Variants in NOTCH2NLC observed in about 807,000 individuals in gnomAD.
The protein encoded by NOTCH2NLC is notch homolog 2 N-terminal-like protein C.
Under a neutral mutation model 17.7 loss-of-function variants are expected in NOTCH2NLC, and 4 were observed. The ratio of observed to expected loss-of-function variants is 0.23; its 90% CI spans 0.11 to 0.52. The LOEUF (loss-of-function observed/expected upper bound fraction) is 0.52, where lower values mean the gene tolerates loss of function less well. Among genes scored for constraint, NOTCH2NLC ranks in the 20% least tolerant of loss-of-function variants. The pLI is 0.96. For missense variants in NOTCH2NLC, 57 were observed against 207.2 expected (o/e 0.28, Z 4.45); for synonymous variants, 18 against 86.0 (o/e 0.21, Z 4.38).
At chr1:149,431,080 CCT>C in intron 2 of NOTCH2NLC, 65 bp downstream of exon 2, 1 of 191,736 alleles carries the variant, frequency 5.2e-6, no homozygotes, top group Non-Finnish European at 9.2e-6. Context: ...TGATTCTACT[CCT>C]CTATTTTTAA....
chr1:149,427,194 A>G (rs1249286641), intron 1 of NOTCH2NLC, among the ~76,000 whole-genome samples: 1 of 150,876 alleles, frequency 6.6e-6, no homozygotes, highest in Non-Finnish European at 1.5e-5. Context: ...ATTATTAACT[A>G]TATTCACCAC....
intron 1 of NOTCH2NLC, among the ~76,000 whole-genome samples, chr1:149,406,995 G>T (rs1200475670): frequency 1.3e-5 from 2 of 150,356 alleles, no homozygotes; most frequent in South Asian, 2.1e-4. Flanking sequence ...CTTCAAGTTT[G>T]TAGGTTAACT....
chr1:149,437,609 G>A lies in NOTCH2NLC; in HGVS notation c.209+6594G>A, dbSNP rs1162683446. Reference sequence around the variant, plus strand: ...CTCTCAAGTAGCCGGGACTACAAGCGCCCGCCACCACGCCCGGCTAATTTT... The same window carrying A: ...CTCTCAAGTAGCCGGGACTACAAGCACCCGCCACCACGCCCGGCTAATTTT... On this transcript the variant is annotated intron_variant, in intron 2 of 4. Coordinates refer to ENST00000650865, the MANE Select transcript of NOTCH2NLC (RefSeq NM_001364013.2). 8.9e-3 allele frequency among the ~76,000 whole-genome samples: 1,018 copies of A among 113,976 alleles called. 21 individuals carry two copies. The highest frequency in any genetic ancestry group is 0.011 in the Non-Finnish European group (621 of 54,212). 74.8% of individuals were successfully genotyped at this position (113,976 alleles called of 152,430 possible). A position where few individuals can be genotyped will look rare whatever the true frequency, so the allele number is the denominator to read the frequency against.
chr1:149,399,236 C>CT lies in NOTCH2NLC; in HGVS notation c.135+8323dup, dbSNP rs1197170882. Among the ~76,000 whole-genome samples the CT allele has an allele frequency of 1.1e-3, 163 of 150,454 alleles. 5 individuals are homozygous for CT. Among genetic ancestry groups the CT allele is most frequent in the Admixed American group, 2.0e-3 (30 of 15,150 alleles). On this transcript the variant is annotated intron_variant, in intron 1 of 4. Transcript: ENST00000650865. ...CTTTTTCATCTCTTTTTATTTTCAT[C>CT]TTTTTTTTTGTGAGAAGATTCTGGA... is the stretch of plus-strand genomic sequence containing the variant.
rs1371521349 is a variant in NOTCH2NLC, at chr1:149,464,424, TAATC to T, written c.*273_*276del. On this transcript the variant is annotated 3_prime_UTR_variant, in exon 5 of 5. Coordinates refer to ENST00000650865, the MANE Select transcript of NOTCH2NLC (RefSeq NM_001364013.2). ...TGAAACTGAGGAGGGGATCCTCTGT[TAATC>T]AGTGAGCACTTTTTGATGAGCTGAT... The T allele has an allele frequency of 6.4e-6, 1 of 156,594 alleles. No homozygotes were observed. Among genetic ancestry groups the T allele is most frequent in the Non-Finnish European group, 1.4e-5 (1 of 72,548 alleles). 9.7% of individuals were successfully genotyped at this position (156,594 alleles called of 1,614,324 possible).
chr1:149,437,819 A>G (rs1358590212), intron 2 of NOTCH2NLC, among the ~76,000 whole-genome samples: 2 of 151,172 alleles, frequency 1.3e-5, no homozygotes, highest in African/African-American at 2.4e-5. Flanking sequence ...GATTCCTATT[A>G]ACAATTGGAT....
intron 1 of NOTCH2NLC, among the ~76,000 whole-genome samples, chr1:149,425,468 A>G (rs2084408059): frequency 6.6e-6 from 1 of 151,426 alleles, no homozygotes; most frequent in African/African-American, 2.4e-5. Flanking sequence ...TGGGCAGAGA[A>G]TGCAGTGGAA....
At chr1:149,419,364 T>G (rs2084365548) in intron 1 of NOTCH2NLC, among the ~76,000 whole-genome samples, 1 of 150,326 alleles carries the variant, frequency 6.7e-6, no homozygotes, top group East Asian at 2.0e-4. Context: ...TTCTCTTCTG[T>G]GCTTAAAGAC....
intron 2 of NOTCH2NLC, among the ~76,000 whole-genome samples, chr1:149,449,283 A>G (rs1391195506): frequency 6.6e-6 from 1 of 150,704 alleles, no homozygotes; most frequent in African/African-American, 2.4e-5. Flanking sequence ...AATAGCTATC[A>G]AATGCTTAGC....
chr1:149,454,805 A>G (rs2084607766), intron 2 of NOTCH2NLC, among the ~76,000 whole-genome samples: 1 of 149,744 alleles, frequency 6.7e-6, no homozygotes, highest in Non-Finnish European at 1.5e-5. Flanking sequence ...AGCACTTACT[A>G]TTTCTCAATG....
At chr1:149,419,856 T>TATATATATA (rs1491568669) in intron 1 of NOTCH2NLC, among the ~76,000 whole-genome samples, 5 of 73,262 alleles carry the variant, frequency 6.8e-5, no homozygotes, top group South Asian at 5.2e-4. Context: ...TATATATATA[T>TATATATATA]TTTTTTTTTT....
intron 2 of NOTCH2NLC, among the ~76,000 whole-genome samples, chr1:149,445,614 C>T (rs1199155644): frequency 6.6e-6 from 1 of 150,852 alleles, no homozygotes; most frequent in Non-Finnish European, 1.5e-5. Context: ...CCAAGAGGCC[C>T]AGGGCAAGAA....
intron 1 of NOTCH2NLC, among the ~76,000 whole-genome samples, chr1:149,429,441 T>TC (rs2084431724): frequency 6.7e-6 from 1 of 150,000 alleles, no homozygotes; most frequent in South Asian, 2.1e-4. Flanking sequence ...AGGCCACTTA[T>TC]CCTCCCTGTT....
At chr1:149,416,687 A>G (rs1340713746) in intron 1 of NOTCH2NLC, among the ~76,000 whole-genome samples, 1 of 146,158 alleles carries the variant, frequency 6.8e-6, no homozygotes, top group African/African-American at 2.5e-5. Context: ...GTCAGTGTCA[A>G]TTTTACAAAG....
intron 2 of NOTCH2NLC, among the ~76,000 whole-genome samples, chr1:149,435,168 TA>T (rs1320559432): frequency 4.8e-5 from 3 of 61,860 alleles, no homozygotes; most frequent in Non-Finnish European, 9.2e-5. Flanking sequence ...TAAGGACATT[TA>T]TTGTAGTTAT....
At position 149,444,995 on chromosome 1, in the gene NOTCH2NLC, C is replaced by G. The variant is rs1190921577; in HGVS notation, c.210-10323C>G. On this transcript the variant is annotated intron_variant, in intron 2 of 4. Transcript: ENST00000650865. ...GGGGTTGAGAGTAGAGTGGGAATGGCAAGAAGTAGTATGACAGAGCTTCTT... is the reference window on the plus strand; with the variant it reads ...GGGGTTGAGAGTAGAGTGGGAATGGGAAGAAGTAGTATGACAGAGCTTCTT... Among the ~76,000 whole-genome samples the G allele has an allele frequency of 1.3e-5, 2 of 148,272 alleles. 1 individual carries two copies. Among genetic ancestry groups the G allele is most frequent in the Non-Finnish European group, 3.0e-5 (2 of 66,988 alleles).
intron 1 of NOTCH2NLC, among the ~76,000 whole-genome samples, chr1:149,392,848 G>A (rs2084180390): frequency 6.6e-6 from 1 of 150,772 alleles, no homozygotes; most frequent in African/African-American, 2.4e-5. Context: ...GAGGCGGGCG[G>A]ATCACGAGGT....
chr1:149,392,826 CTTT>C (rs2084179476), intron 1 of NOTCH2NLC, among the ~76,000 whole-genome samples: 1 of 150,728 alleles, frequency 6.6e-6, no homozygotes, highest in African/African-American at 2.4e-5. Context: ...AATCCCAGCA[CTTT>C]GGGAGGCCGA....
chr1:149,461,236 A>C (rs1322939062), intron 3 of NOTCH2NLC, among the ~76,000 whole-genome samples: 4 of 149,128 alleles, frequency 2.7e-5, no homozygotes, highest in Admixed American at 2.7e-4. Context: ...CTTCCGGCCC[A>C]GGGATCTTTC....
Sources: gnomAD v4.1 joint callset for allele counts (sites outside exome capture counted in the v4.1 genomes callset) on GRCh38, gnomAD v4.1.1 for gene constraint, MANE v1.5 for transcripts, NCBI Gene and HGNC (gene_info 2026-07-23, HGNC 2026-07-21) for gene names.